Variants in ZSCAN20 observed in about 807,000 individuals in gnomAD.
ZSCAN20 encodes zinc finger and SCAN domain containing 20, also known as zinc finger and SCAN domain-containing protein 20.
Under a neutral mutation model 97.1 loss-of-function variants are expected in ZSCAN20, and 39 were observed. The observed-to-expected ratio is 0.40, with a 90% CI of 0.31 to 0.52. The LOEUF (loss-of-function observed/expected upper bound fraction) is 0.52, where lower values mean the gene tolerates loss of function less well. Among genes scored for constraint, ZSCAN20 ranks in the 20% least tolerant of loss-of-function variants. The pLI, the probability that ZSCAN20 is intolerant of heterozygous loss-of-function variation, is 0.49. For synonymous variants in ZSCAN20, 456 were observed against 467.3 expected (o/e 0.98, Z 0.31); for missense variants, 1,115 against 1,290.4 (o/e 0.86, Z 2.08).
At position 33,498,091 on chromosome 1, in the gene ZSCAN20, A is replaced by C. The variant is rs1213497777; in HGVS notation, c.*2615A>C. On this transcript the variant is annotated 3_prime_UTR_variant, in exon 8 of 8. Coordinates refer to ENST00000684572, the MANE Select transcript of ZSCAN20 (RefSeq NM_001377376.1). ...TGGAGAGGAAGATGGCCCTCAAAGG[A>C]GATCTAGACCATTCCCCACTCCCAC... 1.3e-5 allele frequency among the ~76,000 whole-genome samples: 2 copies of C among 152,132 alleles called. No homozygotes were observed. Among genetic ancestry groups the C allele is most frequent in the Non-Finnish European group, 2.9e-5 (2 of 68,012 alleles).
Position 33,499,015 on chromosome 1 carries a change from C to T in ZSCAN20, c.*3539C>T, listed in dbSNP as rs1362560219. Among the ~76,000 whole-genome samples, 2 of 152,186 alleles carry T rather than the reference C, an allele frequency of 1.3e-5. No homozygotes were observed. The highest frequency in any genetic ancestry group is 2.9e-5 in the Non-Finnish European group (2 of 68,036). On this transcript the variant is annotated 3_prime_UTR_variant, in exon 8 of 8. Coordinates refer to ENST00000684572, the MANE Select transcript of ZSCAN20 (RefSeq NM_001377376.1). ...GCCTTATTGTCCACTGTAGCCTCCT[C>T]CCAGAAGCCGAGTAAAGCAGCTAGG...
Position 33,491,196 on chromosome 1 carries a change from A to T in ZSCAN20, c.938A>T (p.Gln313Leu). The change falls in exon 6 of 8, where the codon CAG becomes CTG. Residue 313 changes from glutamine (Q) to leucine (L), a missense_variant. Gln to Leu is a moderately radical substitution (Grantham distance 113, BLOSUM62 -2). This residue lies in a region of ZSCAN20 where 508 missense variants were observed against 611.2 expected (regional missense o/e 0.83). Coordinates refer to ENST00000684572, the MANE Select transcript of ZSCAN20 (RefSeq NM_001377376.1). The surrounding 1 kb of genome is among the most constrained non-coding windows in gnomAD (Gnocchi z 4.3). ...RDSRAWEEQY[Q>L]WDVEDMKVSG... The stretch of plus-strand genomic sequence containing the variant: ...TCAAGAGCCTGGGAGGAACAATACC[A>T]GTGGGATGTGGAGGACATGAAGGTG... The T allele has an allele frequency of 6.2e-7, 1 of 1,614,188 alleles. No individual in the cohort carries two copies. Among genetic ancestry groups the T allele is most frequent in the Non-Finnish European group, 8.5e-7 (1 of 1,180,032 alleles).
intron 3 of ZSCAN20, among the ~76,000 whole-genome samples, 176 bp downstream of exon 3, chr1:33,488,827 C>T (rs1652476071): frequency 1.3e-5 from 2 of 151,810 alleles, no homozygotes; most frequent in African/African-American, 2.4e-5. Flanking sequence ...CTGTGCCTAT[C>T]GATGATGTCA....
At chr1:33,479,843 A>T (rs1463264155) in intron 2 of ZSCAN20, 138 bp downstream of exon 2, 1 of 942,416 alleles carries the variant, frequency 1.1e-6, no homozygotes, top group Non-Finnish European at 1.5e-6. Flanking sequence ...ACTACTGTAT[A>T]CCAGGAAGTG....
chr1:33,485,510 A>AG (rs1243690483), intron 2 of ZSCAN20, among the ~76,000 whole-genome samples: 9 of 116,204 alleles, frequency 7.7e-5, no homozygotes, highest in South Asian at 3.0e-4. Flanking sequence ...CCTGGACTTA[A>AG]GCAACCCTCC....
chr1:33,489,566 C>T lies in ZSCAN20; in HGVS notation c.730C>T (p.Pro244Ser), dbSNP rs779498519. ...TGCTGAGAAGGAGCTCTGTAAAGAC[C>T]CCCCAGGAGACGACTGTGGGAACAG... Reference protein sequence around the residue: ...KHAEKELCKDPPGDDCGNSVC... With the variant: ...KHAEKELCKDSPGDDCGNSVC... The change falls in exon 5 of 8, where the codon CCC becomes TCC. Residue 244 changes from proline (P) to serine (S), a missense_variant. Physicochemically the swap from Pro to Ser is moderately conservative, Grantham distance 74. Transcript: ENST00000684572. 1.4e-5 allele frequency: 23 copies of T among 1,613,980 alleles called. No homozygotes were observed. Among genetic ancestry groups the T allele is most frequent in the Non-Finnish European group, 1.9e-5 (23 of 1,180,014 alleles).
In ZSCAN20 at chr1:33,496,737, C is replaced by G. The variant is rs543770695; in HGVS notation, c.*1261C>G. 9.9e-5 allele frequency among the ~76,000 whole-genome samples: 15 copies of G among 152,208 alleles called. No individual in the cohort carries two copies. In the East Asian group the frequency reaches 2.9e-3, roughly 30 times the overall value. ...CATGCCAAGACTGAGGTGGGAGGTG[C>G]TGGTGTATATGGTCATCTACTGAGA... On this transcript the variant is annotated 3_prime_UTR_variant, in exon 8 of 8. Transcript: ENST00000684572.
Position 33,493,542 on chromosome 1 carries a change from G to A in ZSCAN20, c.1800G>A (p.Gln600=). The stretch of plus-strand genomic sequence containing the variant: ...AGAGTAGTGCTGAGACTGATGCCCA[G>A]GAGGCCTGGGGTGAAGTGGCCAATG... The part of the protein sequence containing the change: ...CGQSSAETDA[Q]EAWGEVANED... The change falls in exon 7 of 8, where the codon CAG becomes CAA. Residue 600 remains glutamine, a synonymous_variant. Coordinates refer to ENST00000684572, the MANE Select transcript of ZSCAN20 (RefSeq NM_001377376.1). The surrounding 1 kb of genome is among the most constrained non-coding windows in gnomAD (Gnocchi z 4.3). 1 of 1,612,760 alleles carries A rather than the reference G, an allele frequency of 6.2e-7. No homozygotes were observed. Among genetic ancestry groups the A allele is most frequent in the East Asian group, 2.2e-5 (1 of 44,836 alleles).
Position 33,488,570 on chromosome 1 carries a change from A to T in ZSCAN20, c.523A>T (p.Lys175Ter), listed in dbSNP as rs1557441134. 1 of 1,613,358 alleles carries T rather than the reference A, an allele frequency of 6.2e-7. No homozygotes were observed. The highest frequency in any genetic ancestry group is 8.5e-7 in the Non-Finnish European group (1 of 1,179,840). ...TCCCTGGCCTGAGGGACAGTCCCAG[A>T]AGAAGGGGGTGAAGAATACATGCCC... ...VDPWPEGQSQ[K>*]KGVKNTCPDL... The change falls in exon 3 of 8, where the codon AAG (lysine) becomes TAG (stop). Residue 175 changes from lysine (K) to a stop codon, truncating the protein, a stop_gained. Transcript: ENST00000684572. LOFTEE classifies it high-confidence loss of function.
At chr1:33,489,645 G>T (rs1403477291) in intron 5 of ZSCAN20, 43 bp downstream of exon 5, 2 of 1,570,552 alleles carry the variant, frequency 1.3e-6, no homozygotes, top group African/African-American at 1.4e-5. Context: ...TCATGCTTCT[G>T]ATACACCCAG....
At chr1:33,490,809 A>G (rs977848290) in intron 5 of ZSCAN20, among the ~76,000 whole-genome samples, 3 of 152,246 alleles carry the variant, frequency 2.0e-5, no homozygotes, top group Non-Finnish European at 4.4e-5. Context: ...CAACAACAAC[A>G]AACAAATGAA....
intron 1 of ZSCAN20, among the ~76,000 whole-genome samples, chr1:33,476,532 A>C (rs1651946369): frequency 6.6e-6 from 1 of 152,176 alleles, no homozygotes; most frequent in African/African-American, 2.4e-5. Context: ...TTGCTTGCTT[A>C]TTGACTGTCT....
chr1:33,488,978 A>C, intron 3 of ZSCAN20, 137 bp from the exon 4 acceptor site: 1 of 708,864 alleles, frequency 1.4e-6, no homozygotes, highest in Non-Finnish European at 2.4e-6. Flanking sequence ...CTAGAAGGGA[A>C]GTAAAGGGGA....
At chr1:33,486,056 C>T (rs774013614) in intron 2 of ZSCAN20, among the ~76,000 whole-genome samples, 3 of 152,272 alleles carry the variant, frequency 2.0e-5, no homozygotes, top group South Asian at 2.1e-4. Context: ...TATTTCTCTT[C>T]CGACAGTTAG....
chr1:33,473,659 G>A (rs1044816406), intron 1 of ZSCAN20, among the ~76,000 whole-genome samples: 1 of 152,086 alleles, frequency 6.6e-6, no homozygotes. Context: ...TTTGCCAAGA[G>A]AACTTCTTTA....
chr1:33,489,100 T>G lies in ZSCAN20; in HGVS notation c.605-15T>G. 6.2e-7 allele frequency: 1 copy of G among 1,604,124 alleles called. No homozygotes were observed. Among genetic ancestry groups the G allele is most frequent in the Non-Finnish European group, 8.5e-7 (1 of 1,174,088 alleles). ...AACCAGAGCTTGGGTTTCAGTGACT[T>G]TTTCTTTTCCTCAGCTGTCCTCACT... On this transcript the variant is annotated splice_polypyrimidine_tract_variant and intron_variant, in intron 3 of 7. Coordinates refer to ENST00000684572, the MANE Select transcript of ZSCAN20 (RefSeq NM_001377376.1).
chr1:33,489,784 C>T (rs1440492442), intron 5 of ZSCAN20, among the ~76,000 whole-genome samples, 182 bp downstream of exon 5: 3 of 152,120 alleles, frequency 2.0e-5, no homozygotes, highest in African/African-American at 7.2e-5. Context: ...TGCCTGGAGA[C>T]GGGGTGGCAG....
Position 33,494,838 on chromosome 1 carries a change from G to A in ZSCAN20, c.2494G>A (p.Ala832Thr), listed in dbSNP as rs918020098. ...GTGTAGTGAGCCTGGGGGAAACTTT[G>A]CCCAAAGCCCATCTTTTAGTGCTCA... ...DQCSEPGGNF[A>T]QSPSFSAHWR... The change falls in exon 8 of 8, where the codon GCC becomes ACC. Residue 832 changes from alanine (A) to threonine (T), a missense_variant. By Grantham distance (58) the Ala-to-Thr change is moderately conservative. Around this residue, in one of 3 missense-constraint regions of ZSCAN20, gnomAD observed 554 missense variants for 584.9 expected, o/e 0.95. Transcript: ENST00000684572. 3.1e-6 allele frequency: 5 copies of A among 1,614,052 alleles called. No homozygotes were observed. The African/African-American group carries it at 5.3e-5, about 17-fold the overall frequency.
rs1012957264 is a variant in ZSCAN20 at position 33,496,076 on chromosome 1, T to C, written c.*600T>C. The C allele has an allele frequency of 1.3e-5, 2 of 152,250 alleles. No homozygotes were observed. Among genetic ancestry groups the C allele is most frequent in the African/African-American group, 2.4e-5 (1 of 41,466 alleles). 9.4% of individuals were successfully genotyped at this position (152,250 alleles called of 1,614,324 possible). On this transcript the variant is annotated 3_prime_UTR_variant, in exon 8 of 8. Coordinates refer to ENST00000684572, the MANE Select transcript of ZSCAN20 (RefSeq NM_001377376.1). ...TGCTAAGAACTTTGTATACATCATCTCATTTAATCTTCACAACGGCCCCAG... is the reference window on the plus strand; with the variant it reads ...TGCTAAGAACTTTGTATACATCATCCCATTTAATCTTCACAACGGCCCCAG...
Sources: allele counts gnomAD v4.1 joint callset (sites outside exome capture counted in the v4.1 genomes callset), GRCh38; gene constraint gnomAD v4.1.1; regional missense constraint gnomAD v4.1.1; non-coding constraint Gnocchi (gnomAD v3.1); transcripts MANE v1.5; gene names NCBI Gene and HGNC (gene_info 2026-07-23, HGNC 2026-07-21).